Variants in PARVG observed in about 807,000 individuals in gnomAD.
PARVG encodes the protein gamma-parvin.
Under a neutral mutation model 44.4 loss-of-function variants are expected in PARVG, and 36 were observed. The ratio of observed to expected loss-of-function variants is 0.81; its 90% confidence interval spans 0.62 to 1.07. The LOEUF is 1.07. PARVG is among the 50% of genes least tolerant of loss of function. The pLI is 0.00. For missense variants in PARVG, 407 were observed against 407.4 expected (o/e 1.00, Z 0.01); for synonymous variants, 170 against 174.1 (o/e 0.98, Z 0.19).
At chr22:44,205,887 G>T in intron 13 of PARVG, 58 bp downstream of exon 13, 2 of 1,577,070 alleles carry the variant, frequency 1.3e-6, no homozygotes, top group South Asian at 2.3e-5. Flanking sequence ...CCTTGTGCGA[G>T]AGCCACAGAA....
upstream of PARVG, among the ~76,000 whole-genome samples, chr22:44,180,100 G>A (rs1338173970): frequency 1.3e-5 from 2 of 152,176 alleles, no homozygotes; most frequent in Non-Finnish European, 2.9e-5. Flanking sequence ...AGGAGAGTGA[G>A]GCTTGGTCAT....
At chr22:44,181,558 G>A in intron 1 of PARVG, 184 bp from the exon 2 acceptor site, 1 of 578,484 alleles carries the variant, frequency 1.7e-6, no homozygotes, top group Non-Finnish European at 2.2e-6. Context: ...CAGCCTGCGG[G>A]GAAACTGGCA....
chr22:44,187,717 G>A (rs999584714), intron 4 of PARVG, 59 bp from the exon 5 acceptor site: 67 of 1,540,340 alleles, frequency 4.3e-5, no homozygotes, highest in Non-Finnish European at 5.9e-5. Context: ...TCTGAGCCAG[G>A]TGGAGGGCCA....
intron 12 of PARVG, among the ~76,000 whole-genome samples, chr22:44,202,471 G>A (rs1238797894): frequency 1.3e-5 from 2 of 152,208 alleles, no homozygotes; most frequent in African/African-American, 2.4e-5. Flanking sequence ...GTTACAAGAC[G>A]GGAACAAACG....
rs2054801554 is a variant in PARVG, at chr22:44,207,931, C to T, written c.*1505C>T. ...TGCCTCTGGGAAACGTGCATCCTCC[C>T]ACACCAGGTACCTGGAGCCCAGCTC... is the stretch of plus-strand genomic sequence containing the variant. On this transcript the variant is annotated 3_prime_UTR_variant, in exon 14 of 14. Transcript: ENST00000444313. The T allele has an allele frequency of 1.3e-5, 2 of 152,456 alleles. No homozygotes were observed. Among genetic ancestry groups the T allele is most frequent in the African/African-American group, 4.8e-5 (2 of 41,450 alleles). The allele number at this position is 152,456 out of a possible 1,614,324, so 9.4% of individuals were successfully genotyped here.
chr22:44,196,234 C>T (rs778481602), intron 10 of PARVG, 21 bp downstream of exon 10: 8 of 1,614,078 alleles, frequency 5.0e-6, no homozygotes, highest in Non-Finnish European at 5.9e-6. Context: ...TCAAAGCTCT[C>T]AGCGGCTCTC....
At chr22:44,203,517 A>G (rs899884313) in intron 12 of PARVG, among the ~76,000 whole-genome samples, 2 of 152,146 alleles carry the variant, frequency 1.3e-5, no homozygotes, top group African/African-American at 2.4e-5. Flanking sequence ...AGTTTGGGAG[A>G]TGCTGGCTCG....
At chr22:44,194,559 C>A (rs1396873316) in intron 9 of PARVG, among the ~76,000 whole-genome samples, 1 of 151,958 alleles carries the variant, frequency 6.6e-6, no homozygotes, top group African/African-American at 2.4e-5. Flanking sequence ...ATCCACCCAC[C>A]CATCCATTTA....
At chr22:44,194,316 A>G (rs2054589011) in intron 9 of PARVG, among the ~76,000 whole-genome samples, 1 of 152,232 alleles carries the variant, frequency 6.6e-6, no homozygotes, top group South Asian at 2.1e-4. Flanking sequence ...CTCTTCTGAC[A>G]GAGCTGTTCA....
chr22:44,186,632 G>A (rs773997546), intron 4 of PARVG: 9 of 471,064 alleles, frequency 1.9e-5, no homozygotes, highest in South Asian at 9.3e-5. Context: ...GGTCTTGCCC[G>A]GAAGACCTGG....
intron 9 of PARVG, among the ~76,000 whole-genome samples, chr22:44,195,689 A>G (rs987014519): frequency 1.4e-4 from 22 of 152,286 alleles, no homozygotes; most frequent in African/African-American, 4.8e-4. Context: ...TTTAAAACCA[A>G]GGGGAGGAGA....
intron 4 of PARVG, 34 bp from the exon 5 acceptor site, chr22:44,187,742 A>G (rs1410561165): frequency 1.9e-6 from 3 of 1,605,912 alleles, no homozygotes; most frequent in East Asian, 2.2e-5. Context: ...AGAAGTCTCC[A>G]TCCCCCCAAA....
intron 7 of PARVG, among the ~76,000 whole-genome samples, 177 bp downstream of exon 7, chr22:44,190,843 C>T (rs907621736): frequency 4.1e-4 from 63 of 152,278 alleles, no homozygotes; most frequent in African/African-American, 1.4e-3. Context: ...GAGCTGGGGA[C>T]GGGCTGGTAA....
chr22:44,196,276 G>A (rs1020866977), intron 10 of PARVG, 63 bp downstream of exon 10: 44 of 1,612,244 alleles, frequency 2.7e-5, no homozygotes, highest in South Asian at 8.8e-5. Flanking sequence ...GCCCACCTGC[G>A]CTGTAGGAGG....
At chr22:44,204,640 C>T (rs2054754366) in intron 12 of PARVG, among the ~76,000 whole-genome samples, 1 of 152,260 alleles carries the variant, frequency 6.6e-6, no homozygotes. Flanking sequence ...GGCCTCTTGG[C>T]CCCTGGCGGG....
intron 5 of PARVG, 72 bp from the exon 6 acceptor site, chr22:44,189,042 C>A: frequency 6.3e-7 from 1 of 1,597,868 alleles, no homozygotes; most frequent in African/African-American, 1.3e-5. Flanking sequence ...GGCTCAGCCT[C>A]CTGGAGGGTC....
chr22:44,191,067 C>T (rs2054541678), intron 7 of PARVG, among the ~76,000 whole-genome samples: 1 of 152,208 alleles, frequency 6.6e-6, no homozygotes. Flanking sequence ...GGTACTGTCT[C>T]CTGTGAGATT....
intron 12 of PARVG, 72 bp from the exon 13 acceptor site, chr22:44,205,685 G>T: frequency 6.4e-7 from 1 of 1,569,910 alleles, no homozygotes; most frequent in South Asian, 1.1e-5. Flanking sequence ...GGAAGGGCTT[G>T]GCACTTGGGA....
At chr22:44,192,842 C>G (rs889844138) in intron 8 of PARVG, among the ~76,000 whole-genome samples, 1 of 152,234 alleles carries the variant, frequency 6.6e-6, no homozygotes, top group Non-Finnish European at 1.5e-5. Flanking sequence ...CTGTCCTGCT[C>G]CCCATGGAGC....
Sources: gnomAD v4.1 joint callset for allele counts (sites outside exome capture counted in the v4.1 genomes callset) on GRCh38, gnomAD v4.1.1 for gene constraint, MANE v1.5 for transcripts, NCBI Gene and HGNC (gene_info 2026-07-23, HGNC 2026-07-21) for gene names.